TMEM132D: variants seen among roughly 807,000 people sequenced by gnomAD.
TMEM132D encodes the protein mature OL transmembrane protein.
TMEM132D carries 21 observed loss-of-function variants against 62.3 expected under a neutral mutation model. The ratio of observed to expected loss-of-function variants is 0.34; its 90% CI spans 0.24 to 0.49. The LOEUF (loss-of-function observed/expected upper bound fraction) is 0.49. Ranked by LOEUF, TMEM132D falls within the 20% of genes least tolerant of loss-of-function variation. The pLI, the probability that TMEM132D is intolerant of heterozygous loss-of-function variation, is 0.99. For synonymous variants in TMEM132D, 621 were observed against 575.6 expected, an observed-to-expected ratio of 1.08 and a Z score of -1.13; for missense variants, 1,346 against 1,402.8, an observed-to-expected ratio of 0.96 and a Z score of 0.65.
Position 129,371,399 on chromosome 12 carries a change from G to A in TMEM132D, c.1116-33582C>T, listed in dbSNP as rs1202764691. 2.6e-5 allele frequency among the ~76,000 whole-genome samples: 4 copies of A among 151,810 alleles called. No individual in the cohort carries two copies. Among genetic ancestry groups the A allele is most frequent in the Non-Finnish European group, 5.9e-5 (4 of 67,936 alleles). On this transcript the variant is annotated intron_variant, in intron 3 of 8. Coordinates refer to ENST00000422113, the MANE Select transcript of TMEM132D (RefSeq NM_133448.3). The surrounding 1 kb of genome is among the most constrained non-coding windows in gnomAD (Gnocchi z 4.3). ...GGTGATGATGAATGATGATGGTGGT[G>A]ATTATGATGATGATGATGGTGATAA...
intron 1 of TMEM132D, among the ~76,000 whole-genome samples, chr12:129,781,838 C>G (rs993414826): frequency 1.4e-4 from 21 of 152,092 alleles, no homozygotes; most frequent in Non-Finnish European, 2.8e-4. Context: ...AGCTAAAATC[C>G]GGGAGTTAAC....
intron 5 of TMEM132D, among the ~76,000 whole-genome samples, chr12:129,144,818 C>T (rs1019694435): frequency 7.9e-5 from 12 of 152,038 alleles, no homozygotes; most frequent in African/African-American, 2.7e-4. Context: ...TCTATCTATC[C>T]AGCTCTCTAT....
intron 2 of TMEM132D, among the ~76,000 whole-genome samples, chr12:129,562,236 T>C (rs1268292763): frequency 1.3e-5 from 2 of 152,190 alleles, no homozygotes; most frequent in Middle Eastern, 3.2e-3. Flanking sequence ...AGGTCATATC[T>C]GGGTTCATGT....
At chr12:129,613,269 G>A (rs542102739) in intron 2 of TMEM132D, among the ~76,000 whole-genome samples, 63 of 152,034 alleles carry the variant, frequency 4.1e-4, no homozygotes, top group African/African-American at 1.4e-3. Context: ...TAATTTGTCT[G>A]GTAATTTAAC....
At chr12:129,283,358 ATTG>A (rs1294575951) in intron 4 of TMEM132D, among the ~76,000 whole-genome samples, 1 of 151,944 alleles carries the variant, frequency 6.6e-6, no homozygotes, top group Non-Finnish European at 1.5e-5. Flanking sequence ...TGCCCAGCTA[ATTG>A]TTGTATTTTT....
At chr12:129,555,720 A>T (rs1877036310) in intron 2 of TMEM132D, among the ~76,000 whole-genome samples, 2 of 152,196 alleles carry the variant, frequency 1.3e-5, no homozygotes, top group Admixed American at 6.5e-5. Flanking sequence ...TTTATAACCC[A>T]AATACAATAA....
At chr12:129,334,303 T>C (rs576957183) in intron 4 of TMEM132D, among the ~76,000 whole-genome samples, 24 of 152,244 alleles carry the variant, frequency 1.6e-4, no homozygotes, top group Non-Finnish European at 2.8e-4. Context: ...ATTTAGAAAA[T>C]AGCTGCAATG....
At chr12:129,264,424 T>G (rs1291172968) in intron 4 of TMEM132D, among the ~76,000 whole-genome samples, 2 of 152,020 alleles carry the variant, frequency 1.3e-5, no homozygotes, top group Non-Finnish European at 2.9e-5. Context: ...ACCAGTACAT[T>G]TTGGCGTGGA....
intron 2 of TMEM132D, among the ~76,000 whole-genome samples, chr12:129,592,014 A>C (rs1878202918): frequency 6.6e-6 from 1 of 152,178 alleles, no homozygotes; most frequent in African/African-American, 2.4e-5. Flanking sequence ...TCTAGATAAC[A>C]TATTTGAAAA....
chr12:129,106,550 C>T (rs1875504519), intron 5 of TMEM132D, among the ~76,000 whole-genome samples: 1 of 152,128 alleles, frequency 6.6e-6, no homozygotes. Context: ...CTGATGAATA[C>T]AATGGAAACT....
At chr12:129,491,656 T>C (rs1418918817) in intron 3 of TMEM132D, among the ~76,000 whole-genome samples, 3 of 152,172 alleles carry the variant, frequency 2.0e-5, no homozygotes, top group African/African-American at 4.8e-5. Flanking sequence ...TCTTTGCTTA[T>C]TGGGGCCAGG....
chr12:129,076,812 G>C (rs755253572), intron 8 of TMEM132D, among the ~76,000 whole-genome samples: 2 of 152,214 alleles, frequency 1.3e-5, no homozygotes, highest in Non-Finnish European at 2.9e-5. Context: ...TGTCAGGAAC[G>C]GATTAGCCTT....
intron 3 of TMEM132D, among the ~76,000 whole-genome samples, chr12:129,359,044 T>C (rs777502885): frequency 3.7e-4 from 57 of 152,212 alleles, no homozygotes; most frequent in Non-Finnish European, 6.0e-4. Context: ...GACAGATGAA[T>C]GGATAAACAA....
chr12:129,847,745 G>C (rs536474791), intron 1 of TMEM132D, among the ~76,000 whole-genome samples: 9 of 152,200 alleles, frequency 5.9e-5, no homozygotes, highest in African/African-American at 2.2e-4. Flanking sequence ...TCAAGCCTTA[G>C]AGACTGGCAG....
chr12:129,292,890 T>A (rs1251941754), intron 4 of TMEM132D, among the ~76,000 whole-genome samples: 1 of 152,170 alleles, frequency 6.6e-6, no homozygotes, highest in Admixed American at 6.5e-5. Flanking sequence ...GAAGACTCAG[T>A]GCCTACTAAC....
intron 5 of TMEM132D, among the ~76,000 whole-genome samples, chr12:129,131,848 T>A (rs1244838944): frequency 6.6e-6 from 1 of 152,208 alleles, no homozygotes; most frequent in Non-Finnish European, 1.5e-5. Context: ...GCATACAATA[T>A]GTGCTCTTGG....
At position 129,877,601 on chromosome 12, in the gene TMEM132D, A is replaced by ACG. The variant is rs201072973; in HGVS notation, c.79+25658_79+25659dup. Among the ~76,000 whole-genome samples the ACG allele has an allele frequency of 7.9e-4, 110 of 139,592 alleles. 1 individual carries two copies. In the Middle Eastern group the frequency reaches 0.011, roughly 14 times the overall value. 91.6% of individuals were successfully genotyped at this position (139,592 alleles called of 152,430 possible). Reference sequence around the variant, plus strand: ...CGGCTTAATAATACCTATTAACCAAACGCGCGCGCGCGCACACACACACAC... The same window carrying ACG: ...CGGCTTAATAATACCTATTAACCAAACGCGCGCGCGCGCGCACACACACACAC... On this transcript the variant is annotated intron_variant, in intron 1 of 8. Coordinates refer to ENST00000422113, the MANE Select transcript of TMEM132D (RefSeq NM_133448.3).
At position 129,368,832 on chromosome 12, in the gene TMEM132D, A is replaced by G. The variant is rs113332270; in HGVS notation, c.1116-31015T>C. On this transcript the variant is annotated intron_variant, in intron 3 of 8. Coordinates refer to ENST00000422113, the MANE Select transcript of TMEM132D (RefSeq NM_133448.3). Reference sequence around the variant, plus strand: ...TGTATATTTCTGGCCAATCGGCTGTAAGCAGAAATCTACTTCACGTAATTT... The same window carrying G: ...TGTATATTTCTGGCCAATCGGCTGTGAGCAGAAATCTACTTCACGTAATTT... Among the ~76,000 whole-genome samples the G allele has an allele frequency of 8.4e-3, 1,272 of 151,978 alleles. 22 individuals are homozygous for G. Among genetic ancestry groups the G allele is most frequent in the African/African-American group, 0.029 (1,207 of 41,456 alleles).
chr12:129,441,628 C>T (rs1008683772), intron 3 of TMEM132D, among the ~76,000 whole-genome samples: 4 of 152,162 alleles, frequency 2.6e-5, no homozygotes, highest in African/African-American at 9.7e-5. Context: ...CCAGCAATCC[C>T]ACTACTGGGT....
Sources: allele counts gnomAD v4.1 joint callset (sites outside exome capture counted in the v4.1 genomes callset), GRCh38; gene constraint gnomAD v4.1.1; non-coding constraint Gnocchi (gnomAD v3.1); transcripts MANE v1.5; gene names NCBI Gene and HGNC (gene_info 2026-07-23, HGNC 2026-07-21).